Variants in TSC22D1 observed in about 807,000 individuals in gnomAD.
TSC22D1 encodes the protein TSC22 domain family protein 1.
A neutral mutation model predicts 74.2 loss-of-function variants in TSC22D1; 9 were observed. The observed-to-expected ratio is 0.12, with a 90% CI of 0.07 to 0.21. The LOEUF (loss-of-function observed/expected upper bound fraction) is 0.21, where lower values mean the gene tolerates loss of function less well. Ranked by LOEUF, TSC22D1 falls within the 10% of genes least tolerant of loss-of-function variation. TSC22D1 has a pLI of 1.00. For missense variants in TSC22D1, 1,427 were observed against 1,304.7 expected (o/e 1.09, Z -1.44); for synonymous variants, 586 against 492.5 (o/e 1.19, Z -2.51).
chr13:44,499,449 A>G (rs1409076926), intron 1 of TSC22D1, among the ~76,000 whole-genome samples: 1 of 152,202 alleles, frequency 6.6e-6, no homozygotes, highest in Non-Finnish European at 1.5e-5. Flanking sequence ...CATTTGTGTG[A>G]CACATTAAAG....
chr13:44,557,011 T>C lies in TSC22D1; in HGVS notation c.2912+16152A>G, dbSNP rs564429899. Among the ~76,000 whole-genome samples, 3 of 149,010 alleles carry C rather than the reference T, an allele frequency of 2.0e-5. No individual in the cohort carries two copies. The South Asian group carries it at 6.5e-4, about 32-fold the overall frequency. Reference sequence around the variant, plus strand: ...ATACAAAATTAGCCAGGCATGGTGGTGCATGCCTGTAATCCCAGCTACTTG... The same window carrying C: ...ATACAAAATTAGCCAGGCATGGTGGCGCATGCCTGTAATCCCAGCTACTTG... On this transcript the variant is annotated intron_variant, in intron 1 of 2. Coordinates refer to ENST00000458659, the MANE Select transcript of TSC22D1 (RefSeq NM_183422.4).
chr13:44,517,782 T>TATATATAC (rs1880078088), intron 1 of TSC22D1, among the ~76,000 whole-genome samples: 2 of 131,264 alleles, frequency 1.5e-5, no homozygotes, highest in Non-Finnish European at 3.2e-5. Flanking sequence ...TATATACACA[T>TATATATAC]ATATATACAT....
rs1884025448 is a variant in TSC22D1, at chr13:44,574,310, A to G, written c.1765T>C (p.Ser589Pro). ...ATGGAAGGCTGCTGACCTAAAGCTGAAGTTACACCAACCACATTTACAGGC... is the reference window on the plus strand; with the variant it reads ...ATGGAAGGCTGCTGACCTAAAGCTGGAGTTACACCAACCACATTTACAGGC... Reference protein sequence around the residue: ...PSPVNVVGVTSALGQQPSISS... With the variant: ...PSPVNVVGVTPALGQQPSISS... Residue 589 changes from serine (S) to proline (P), a missense_variant, in exon 1 of 3, where the codon TCA (serine) becomes CCA (proline). Ser to Pro is a moderately conservative substitution (Grantham distance 74). Transcript: ENST00000458659. 1 of 1,614,256 alleles carries G rather than the reference A, an allele frequency of 6.2e-7. No homozygotes were observed. The highest frequency in any genetic ancestry group is 8.5e-7 in the Non-Finnish European group (1 of 1,180,046).
chr13:44,559,155 A>G (rs1882873418), intron 1 of TSC22D1, among the ~76,000 whole-genome samples: 1 of 152,192 alleles, frequency 6.6e-6, no homozygotes, highest in Admixed American at 6.5e-5. Flanking sequence ...TTGACTCTCA[A>G]AGAAAAGTTT....
chr13:44,507,162 A>G (rs1879484079), intron 1 of TSC22D1, among the ~76,000 whole-genome samples: 1 of 152,262 alleles, frequency 6.6e-6, no homozygotes, highest in Non-Finnish European at 1.5e-5. Flanking sequence ...TAAGAACTAC[A>G]GCAAATGCTT....
intron 1 of TSC22D1, among the ~76,000 whole-genome samples, chr13:44,480,020 T>G (rs1444347236): frequency 6.6e-6 from 1 of 152,168 alleles, no homozygotes; most frequent in Non-Finnish European, 1.5e-5. Flanking sequence ...AAGCCACCAT[T>G]TGAGAGCATT....
intron 1 of TSC22D1, among the ~76,000 whole-genome samples, chr13:44,478,723 T>C (rs1411895143): frequency 6.6e-6 from 1 of 152,164 alleles, no homozygotes; most frequent in Admixed American, 6.5e-5. Context: ...TACCACACTC[T>C]ACCACGGTAT....
chr13:44,503,753 T>A (rs977481307), intron 1 of TSC22D1, among the ~76,000 whole-genome samples: 1 of 152,216 alleles, frequency 6.6e-6, no homozygotes, highest in Non-Finnish European at 1.5e-5. Context: ...TTACATTTGA[T>A]GAATATTTCA....
intron 1 of TSC22D1, among the ~76,000 whole-genome samples, chr13:44,438,323 A>C (rs1874908387): frequency 1.3e-5 from 2 of 152,210 alleles, no homozygotes; most frequent in Admixed American, 6.5e-5. Context: ...CACATGCACA[A>C]ACACACACAG....
chr13:44,538,187 A>C (rs1270868390), intron 1 of TSC22D1: 1 of 985,226 alleles, frequency 1.0e-6, no homozygotes, highest in Admixed American at 6.2e-5. Flanking sequence ...TCAGTATGAA[A>C]AAAATACCTC....
chr13:44,461,078 T>C (rs1377378470), intron 1 of TSC22D1, among the ~76,000 whole-genome samples: 1 of 152,196 alleles, frequency 6.6e-6, no homozygotes, highest in Admixed American at 6.5e-5. Flanking sequence ...CAAATTTAAC[T>C]AGGACAGTGG....
At position 44,432,620 on chromosome 13, in the gene TSC22D1, G is replaced by A. The variant is rs1034892811; in HGVS notation, c.*2006C>T. 2.0e-5 allele frequency: 3 copies of A among 152,048 alleles called. No individual in the cohort carries two copies. Among genetic ancestry groups the A allele is most frequent in the Non-Finnish European group, 4.4e-5 (3 of 68,004 alleles). The allele number at this position is 152,048 out of a possible 1,614,324, so 9.4% of individuals were successfully genotyped here. On this transcript the variant is annotated 3_prime_UTR_variant, in exon 3 of 3. Transcript: ENST00000458659. ...CACGCTATCGAACAATTCTTTTTAG[G>A]GATCTTGGATGTCCCATTCACCTCT...
At chr13:44,508,141 T>C (rs1159310958) in intron 1 of TSC22D1, among the ~76,000 whole-genome samples, 1 of 152,232 alleles carries the variant, frequency 6.6e-6, no homozygotes, top group Admixed American at 6.5e-5. Flanking sequence ...TTTTGCTTTT[T>C]ATTTCAGTAC....
At chr13:44,435,898 T>C in intron 2 of TSC22D1, 146 bp downstream of exon 2, 1 of 873,654 alleles carries the variant, frequency 1.1e-6, no homozygotes, top group Non-Finnish European at 1.9e-6. Flanking sequence ...GGCTCCACGC[T>C]GGCCGAATGG....
chr13:44,568,807 A>G (rs1461020823), intron 1 of TSC22D1, among the ~76,000 whole-genome samples: 1 of 152,212 alleles, frequency 6.6e-6, no homozygotes, highest in Non-Finnish European at 1.5e-5. Context: ...GAAAACAGAC[A>G]GCGCTGACAG....
At chr13:44,438,737 A>G (rs1257996525) in intron 1 of TSC22D1, among the ~76,000 whole-genome samples, 1 of 152,282 alleles carries the variant, frequency 6.6e-6, no homozygotes, top group South Asian at 2.1e-4. Flanking sequence ...GACTAAGTAG[A>G]AGCTTAGAAA....
At chr13:44,454,625 G>A (rs972372761) in intron 1 of TSC22D1, among the ~76,000 whole-genome samples, 1 of 152,088 alleles carries the variant, frequency 6.6e-6, no homozygotes, top group Non-Finnish European at 1.5e-5. Flanking sequence ...CTAGACAAAG[G>A]CAGAAGTTTT....
chr13:44,471,518 A>G (rs1461098818), intron 1 of TSC22D1, among the ~76,000 whole-genome samples: 4 of 152,328 alleles, frequency 2.6e-5, no homozygotes, highest in African/African-American at 9.6e-5. Flanking sequence ...ACAAGTAGAG[A>G]TTAAGTATGG....
At chr13:44,505,352 G>A (rs1265551667) in intron 1 of TSC22D1, among the ~76,000 whole-genome samples, 2 of 152,242 alleles carry the variant, frequency 1.3e-5, no homozygotes, top group South Asian at 2.1e-4. Context: ...TCAGGAGTTC[G>A]AGACCAGACT....
Sources: gnomAD v4.1 joint callset for allele counts (sites outside exome capture counted in the v4.1 genomes callset) on GRCh38, gnomAD v4.1.1 for gene constraint, MANE v1.5 for transcripts, NCBI Gene and HGNC (gene_info 2026-07-23, HGNC 2026-07-21) for gene names.